The following CDIN1 variants were observed in gnomAD, a reference collection of about 807,000 sequenced individuals.
CDIN1 encodes CDAN1 interacting nuclease 1, also known as CDAN1-interacting nuclease 1.
Under a neutral mutation model 45.3 loss-of-function variants are expected in CDIN1, and 33 were observed. The ratio of observed to expected loss-of-function variants is 0.73; its 90% CI spans 0.55 to 0.97. CDIN1 has a LOEUF of 0.97. Among genes scored for constraint, CDIN1 ranks in the 50% least tolerant of loss-of-function variants. The probability of loss-of-function intolerance (pLI) is 0.00; values close to 1 mark genes in which losing one functional copy is unlikely to be tolerated. For missense variants in CDIN1, 303 were observed against 339.4 expected (o/e 0.89, Z 0.84); for synonymous variants, 118 against 124.4 (o/e 0.95, Z 0.34).
chr15:36,788,567 T>C (rs1391634562), intron 10 of CDIN1, among the ~76,000 whole-genome samples: 1 of 152,096 alleles, frequency 6.6e-6, no homozygotes, highest in African/African-American at 2.4e-5. Context: ...TGTCTATGAA[T>C]ACGAAATAAA....
At chr15:36,645,589 AC>A (rs2040293263) in intron 3 of CDIN1, among the ~76,000 whole-genome samples, 1 of 151,592 alleles carries the variant, frequency 6.6e-6, no homozygotes, top group Admixed American at 6.6e-5. Context: ...GCTACTTGAA[AC>A]TTATTATAAG....
At chr15:36,629,904 G>T (rs62002292) in intron 1 of CDIN1, among the ~76,000 whole-genome samples, 1 of 152,156 alleles carries the variant, frequency 6.6e-6, no homozygotes, top group African/African-American at 2.4e-5. Flanking sequence ...TTTTGTATAT[G>T]TGCATACATA....
At chr15:36,672,750 CA>C (rs1487984491) in intron 5 of CDIN1, among the ~76,000 whole-genome samples, 3 of 151,422 alleles carry the variant, frequency 2.0e-5, no homozygotes, top group East Asian at 3.9e-4. Context: ...ATCACTTTGT[CA>C]ACTTAATGGT....
intron 10 of CDIN1, among the ~76,000 whole-genome samples, chr15:36,782,086 G>A (rs1224517012): frequency 6.6e-6 from 1 of 152,124 alleles, no homozygotes; most frequent in Admixed American, 6.5e-5. Context: ...TAGGATCCTC[G>A]TATTTTTTCC....
intron 5 of CDIN1, among the ~76,000 whole-genome samples, chr15:36,678,582 G>A (rs1049228951): frequency 2.0e-5 from 3 of 152,146 alleles, no homozygotes; most frequent in Admixed American, 2.0e-4. Context: ...ACACAGCTCT[G>A]ACTGTGCATG....
intron 10 of CDIN1, among the ~76,000 whole-genome samples, chr15:36,737,959 C>T (rs1204858275): frequency 1.3e-5 from 2 of 152,148 alleles, no homozygotes; most frequent in African/African-American, 2.4e-5. Context: ...CAAAGCTTAC[C>T]GATGACTCCT....
chr15:36,783,265 C>T (rs1460709106), intron 10 of CDIN1, among the ~76,000 whole-genome samples: 1 of 152,016 alleles, frequency 6.6e-6, no homozygotes, highest in African/African-American at 2.4e-5. Context: ...ATGATTAAGG[C>T]GGTCCCAGCC....
At chr15:36,756,542 A>G (rs1432622974) in intron 10 of CDIN1, among the ~76,000 whole-genome samples, 2 of 152,238 alleles carry the variant, frequency 1.3e-5, no homozygotes, top group Non-Finnish European at 2.9e-5. Context: ...GAAAGTAGAT[A>G]GTACAATTTG....
intron 5 of CDIN1, among the ~76,000 whole-genome samples, chr15:36,687,944 A>G (rs1435666138): frequency 6.6e-6 from 1 of 152,190 alleles, no homozygotes; most frequent in African/African-American, 2.4e-5. Context: ...CTTATGGGTC[A>G]AAGATGAAAT....
At chr15:36,637,651 A>G (rs906042428) in intron 1 of CDIN1, among the ~76,000 whole-genome samples, 1 of 152,238 alleles carries the variant, frequency 6.6e-6, no homozygotes, top group Non-Finnish European at 1.5e-5. Flanking sequence ...AATGTACACC[A>G]AGAGACTCAC....
chr15:36,582,050 A>G (rs1036711096), intron 1 of CDIN1, among the ~76,000 whole-genome samples: 3 of 152,230 alleles, frequency 2.0e-5, no homozygotes, highest in African/African-American at 7.2e-5. Flanking sequence ...GCTTGTGGTG[A>G]TGGATATGAG....
chr15:36,750,346 C>T (rs1429886266), intron 10 of CDIN1, among the ~76,000 whole-genome samples: 1 of 152,150 alleles, frequency 6.6e-6, no homozygotes, highest in African/African-American at 2.4e-5. Flanking sequence ...TCAGCACCTC[C>T]ATATACATTA....
chr15:36,645,418 C>T (rs921137941), intron 3 of CDIN1, 131 bp downstream of exon 3: 5 of 793,102 alleles, frequency 6.3e-6, no homozygotes, highest in Non-Finnish European at 9.7e-6. Flanking sequence ...TTATTCAAAA[C>T]TTTTAGTATG....
intron 10 of CDIN1, among the ~76,000 whole-genome samples, chr15:36,795,665 C>A (rs1350433160): frequency 6.6e-6 from 1 of 151,898 alleles, no homozygotes; most frequent in Non-Finnish European, 1.5e-5. Flanking sequence ...CTCCTGGTCT[C>A]ATGAAGCTGA....
chr15:36,791,442 A>T (rs2054643185), intron 10 of CDIN1, among the ~76,000 whole-genome samples: 1 of 152,224 alleles, frequency 6.6e-6, no homozygotes, highest in Non-Finnish European at 1.5e-5. Context: ...TAGTTTGGCA[A>T]CAACAGAAGA....
intron 8 of CDIN1, chr15:36,708,252 T>A (rs1310593015): frequency 6.6e-6 from 1 of 152,044 alleles, no homozygotes; most frequent in Non-Finnish European, 1.5e-5. Context: ...TGCATGACAA[T>A]GTCAACAGCC....
intron 10 of CDIN1, among the ~76,000 whole-genome samples, chr15:36,717,300 G>A (rs1267919162): frequency 6.6e-6 from 1 of 152,114 alleles, no homozygotes; most frequent in African/African-American, 2.4e-5. Context: ...GTTTCCTGAT[G>A]CCTCTTTATA....
chr15:36,617,225 C>A, intron 1 of CDIN1: 1 of 872,604 alleles, frequency 1.1e-6, no homozygotes, highest in Non-Finnish European at 2.0e-6. Flanking sequence ...TGGCATGAAA[C>A]AGCAGCCACA....
chr15:36,618,505 C>A, intron 1 of CDIN1: 1 of 1,226,924 alleles, frequency 8.2e-7, no homozygotes. Flanking sequence ...GCCTCCAACA[C>A]CAAAGTTTGA....
Sources: gnomAD v4.1 joint callset for allele counts (sites outside exome capture counted in the v4.1 genomes callset) on GRCh38, gnomAD v4.1.1 for gene constraint, MANE v1.5 for transcripts, NCBI Gene and HGNC (gene_info 2026-07-23, HGNC 2026-07-21) for gene names.